PRKACA: variants seen among roughly 807,000 people sequenced by gnomAD.
PRKACA encodes the protein protein kinase cAMP-activated catalytic subunit alpha.
A neutral mutation model predicts 45.8 loss-of-function variants in PRKACA; 9 were observed. That is an observed-to-expected ratio of 0.20 (90% CI 0.12 to 0.34). The LOEUF (loss-of-function observed/expected upper bound fraction) is 0.34, where lower values mean the gene tolerates loss of function less well. PRKACA is among the 10% of genes least tolerant of loss of function. The pLI is 1.00. For synonymous variants in PRKACA, 160 were observed against 178.6 expected (o/e 0.90, Z 0.83); for missense variants, 238 against 458.6 (o/e 0.52, Z 4.39).
intron 1 of PRKACA, chr19:14,115,247 G>C (rs896284930): frequency 1.7e-5 from 6 of 351,790 alleles, no homozygotes; most frequent in Non-Finnish European, 2.4e-5. Flanking sequence ...AATATAACTG[G>C]CATGGCAATC....
intron 3 of PRKACA, among the ~76,000 whole-genome samples, chr19:14,106,165 C>T (rs1340113903): frequency 6.6e-6 from 1 of 151,716 alleles, no homozygotes; most frequent in Non-Finnish European, 1.5e-5. Context: ...GCCTGGGCAA[C>T]ACAGCAAGAC....
chr19:14,108,687 G>A (rs1977685635), intron 1 of PRKACA, among the ~76,000 whole-genome samples: 1 of 151,934 alleles, frequency 6.6e-6, no homozygotes, highest in African/African-American at 2.4e-5. Flanking sequence ...TGGGATTACA[G>A]GCGTGAGCCA....
chr19:14,097,291 A>G lies in PRKACA; in HGVS notation c.765+70T>C. 1 of 1,605,060 alleles carries G rather than the reference A, an allele frequency of 6.2e-7. No homozygotes were observed. ...ATTCTGACAACAAGCAGGGCTCCCCAGGGAATAGGATGGGTGAGCAGGGAA... is the reference window on the plus strand; with the variant it reads ...ATTCTGACAACAAGCAGGGCTCCCCGGGGAATAGGATGGGTGAGCAGGGAA... On this transcript the variant is annotated intron_variant, in intron 8 of 9. Coordinates refer to ENST00000308677, the MANE Select transcript of PRKACA (RefSeq NM_002730.4). This position sits in a 1 kb window ranked among gnomAD's most constrained non-coding sequence, Gnocchi z 5.4.
At chr19:14,106,293 C>T (rs1977601026) in intron 3 of PRKACA, among the ~76,000 whole-genome samples, 1 of 152,124 alleles carries the variant, frequency 6.6e-6, no homozygotes, top group East Asian at 1.9e-4. Flanking sequence ...TTTGAGGCTA[C>T]AGTGAGCTAT....
At chr19:14,096,031 A>AGTTTT (rs1977240976) in intron 8 of PRKACA, among the ~76,000 whole-genome samples, 1 of 108,922 alleles carries the variant, frequency 9.2e-6, no homozygotes, top group Non-Finnish European at 1.9e-5. Context: ...GCTAATTTTT[A>AGTTTT]GTTTTTTTTT....
Position 14,097,502 on chromosome 19 carries a change from G to C in PRKACA, c.643-19C>G. On this transcript the variant is annotated intron_variant, in intron 7 of 9. Transcript: ENST00000308677. The surrounding 1 kb of genome is among the most constrained non-coding windows in gnomAD (Gnocchi z 5.4). ...TGTAGCCCTGGAGCAAGATGGGGGG[G>C]CACAGGGTGAGGAGGAGGCGAGAGC... is the stretch of plus-strand genomic sequence containing the variant. The C allele has an allele frequency of 1.2e-6, 2 of 1,614,024 alleles. No homozygotes were observed. The highest frequency in any genetic ancestry group is 1.7e-6 in the Non-Finnish European group (2 of 1,179,948).
intron 1 of PRKACA, among the ~76,000 whole-genome samples, chr19:14,116,763 A>C (rs1967114921): frequency 2.0e-5 from 3 of 152,118 alleles, no homozygotes; most frequent in Non-Finnish European, 4.4e-5. Flanking sequence ...CTACGTTCAT[A>C]AACAGTCTGC....
intron 1 of PRKACA, chr19:14,115,196 T>G: frequency 1.2e-6 from 1 of 816,736 alleles, no homozygotes; most frequent in African/African-American, 1.9e-5. Context: ...TCGGGATGTT[T>G]CATTTATCTA....
intron 8 of PRKACA, among the ~76,000 whole-genome samples, chr19:14,096,015 C>T (rs1977239389): frequency 6.6e-6 from 1 of 151,230 alleles, no homozygotes; most frequent in African/African-American, 2.4e-5. Context: ...TGCACCATCA[C>T]GCCCAGCTAA....
chr19:14,108,583 A>AT (rs887188769), intron 1 of PRKACA, among the ~76,000 whole-genome samples: 2 of 141,676 alleles, frequency 1.4e-5, no homozygotes, highest in African/African-American at 5.3e-5. Context: ...AATTTTTTGT[A>AT]TTTTTTTTAG....
At chr19:14,105,095 A>G (rs1029144790) in intron 3 of PRKACA, among the ~76,000 whole-genome samples, 3 of 152,204 alleles carry the variant, frequency 2.0e-5, no homozygotes, top group African/African-American at 7.2e-5. Flanking sequence ...AAAAAAGGAA[A>G]TATTTCCGAA....
Position 14,097,744 on chromosome 19 carries a change from T to C in PRKACA, c.546+20A>G. On this transcript the variant is annotated intron_variant, in intron 6 of 9. Coordinates refer to ENST00000308677, the MANE Select transcript of PRKACA (RefSeq NM_002730.4). The surrounding 1 kb of genome is among the most constrained non-coding windows in gnomAD (Gnocchi z 5.4). Reference sequence around the variant, plus strand: ...GCCACGGCTTCCCCAGGGCTGCCCCTCGCCCGGCCTGGTGGGCACCTGAAT... The same window carrying C: ...GCCACGGCTTCCCCAGGGCTGCCCCCCGCCCGGCCTGGTGGGCACCTGAAT... The C allele has an allele frequency of 6.2e-7, 1 of 1,614,086 alleles. No individual in the cohort carries two copies. The highest frequency in any genetic ancestry group is 8.5e-7 in the Non-Finnish European group (1 of 1,179,982).
intron 4 of PRKACA, chr19:14,101,161 G>C (rs1977431116): frequency 1.3e-5 from 6 of 444,920 alleles, no homozygotes; most frequent in Admixed American, 3.4e-5. Flanking sequence ...ACCTTGCTCT[G>C]GGAGCTTGAG....
At chr19:14,101,091 G>T in intron 4 of PRKACA, 183 bp from the exon 5 acceptor site, 2 of 596,020 alleles carry the variant, frequency 3.4e-6, no homozygotes, top group Non-Finnish European at 6.1e-6. Context: ...AGTGAGGGCT[G>T]GCTCAGAGGT....
intron 4 of PRKACA, chr19:14,101,148 A>T: frequency 2.0e-6 from 1 of 491,768 alleles, no homozygotes; most frequent in East Asian, 3.5e-5. Context: ...AGAACTCTGT[A>T]GTACCTTGCT....
At chr19:14,113,075 G>C (rs1034242029) in intron 1 of PRKACA, among the ~76,000 whole-genome samples, 5 of 152,154 alleles carry the variant, frequency 3.3e-5, no homozygotes, top group Admixed American at 2.0e-4. Flanking sequence ...TGACTCTTTT[G>C]TTTTGCTCCT....
intron 4 of PRKACA, among the ~76,000 whole-genome samples, chr19:14,102,088 C>A (rs1298874777): frequency 6.6e-6 from 1 of 152,088 alleles, no homozygotes; most frequent in Non-Finnish European, 1.5e-5. Context: ...TGCTTGAACC[C>A]AGGAGGCAGA....
intron 1 of PRKACA, among the ~76,000 whole-genome samples, chr19:14,109,210 C>T (rs547532358): frequency 3.3e-5 from 5 of 151,360 alleles, no homozygotes; most frequent in African/African-American, 7.3e-5. Flanking sequence ...AGGCCAGGCA[C>T]GGTGGGTCAC....
intron 9 of PRKACA, 37 bp downstream of exon 9, chr19:14,093,591 C>G (rs1205941069): frequency 6.3e-7 from 1 of 1,598,120 alleles, no homozygotes; most frequent in Non-Finnish European, 8.5e-7. Flanking sequence ...TTGGCCTGCT[C>G]CCAAACCCTC....
Sources: gnomAD v4.1 joint callset for allele counts (sites outside exome capture counted in the v4.1 genomes callset) on GRCh38, gnomAD v4.1.1 for gene constraint, Gnocchi (gnomAD v3.1) non-coding constraint, MANE v1.5 for transcripts, NCBI Gene and HGNC (gene_info 2026-07-23, HGNC 2026-07-21) for gene names.